The following LNPEP variants were observed in gnomAD, a reference collection of about 807,000 sequenced individuals.
The protein encoded by LNPEP is leucyl and cystinyl aminopeptidase.
LNPEP carries 64 observed loss-of-function variants against 120.6 expected under a neutral mutation model. The ratio of observed to expected loss-of-function variants is 0.53; its 90% confidence interval spans 0.43 to 0.65. The LOEUF (loss-of-function observed/expected upper bound fraction) is 0.65. Among genes scored for constraint, LNPEP ranks in the 30% least tolerant of loss-of-function variants. The probability of loss-of-function intolerance (pLI) is 0.00; values close to 1 mark genes in which losing one functional copy is unlikely to be tolerated. For missense variants in LNPEP, 1,057 were observed against 1,200.0 expected, an observed-to-expected ratio of 0.88 and a Z score of 1.76; for synonymous variants, 435 against 425.4, an observed-to-expected ratio of 1.02 and a Z score of -0.28.
intron 6 of LNPEP, 43 bp from the exon 7 acceptor site, chr5:96,996,347 G>A (rs1169479797): frequency 2.8e-6 from 3 of 1,083,178 alleles, no homozygotes; most frequent in Non-Finnish European, 4.3e-6. Context: ...AAATTCCTGA[G>A]GCTGTAAATA....
chr5:97,026,486 A>G, intron 15 of LNPEP, 131 bp from the exon 16 acceptor site: 1 of 652,326 alleles, frequency 1.5e-6, no homozygotes, highest in Non-Finnish European at 2.6e-6. Context: ...TCAACCGTAG[A>G]CTAATGCAAC....
At chr5:96,944,673 A>G (rs962663383) in intron 1 of LNPEP, among the ~76,000 whole-genome samples, 1 of 147,850 alleles carries the variant, frequency 6.8e-6, no homozygotes, top group Non-Finnish European at 1.5e-5. Flanking sequence ...GGTTCAAGCA[A>G]TTCTTGTGCC....
At chr5:97,022,278 A>G (rs1371272154) in intron 13 of LNPEP, 22 bp from the exon 14 acceptor site, 1 of 1,385,790 alleles carries the variant, frequency 7.2e-7, no homozygotes, top group South Asian at 1.3e-5. Context: ...TGAAGCCATT[A>G]TAATCTATTT....
chr5:96,952,709 T>A (rs1789352578), intron 1 of LNPEP, among the ~76,000 whole-genome samples: 1 of 152,190 alleles, frequency 6.6e-6, no homozygotes, highest in Admixed American at 6.5e-5. Context: ...TTAAAAATCA[T>A]TTATTTTTAT....
intron 1 of LNPEP, chr5:96,958,636 A>G (rs1789526692): frequency 3.5e-6 from 1 of 289,312 alleles, no homozygotes; most frequent in African/African-American, 2.3e-5. Flanking sequence ...TCATTGGGCT[A>G]AAACGAAGGA....
intron 11 of LNPEP, among the ~76,000 whole-genome samples, chr5:97,008,662 C>A (rs1412847678): frequency 3.5e-5 from 3 of 85,448 alleles, no homozygotes; most frequent in East Asian, 7.0e-4. Context: ...CCTCTTTACT[C>A]TTTTTTTTTT....
chr5:97,002,000 C>T lies in LNPEP; in HGVS notation c.1654-1415C>T, dbSNP rs188352996. On this transcript the variant is annotated intron_variant, in intron 8 of 17. Coordinates refer to ENST00000231368, the MANE Select transcript of LNPEP (RefSeq NM_005575.3). ...ACTAAAAATACAAAAATTAGCTGGG[C>T]GTGGTGGTGGTGCCTGTAATCCCAG... is the stretch of plus-strand genomic sequence containing the variant. Among the ~76,000 whole-genome samples, 5 of 152,090 alleles carry T rather than the reference C, an allele frequency of 3.3e-5. No homozygotes were observed. In the East Asian group the frequency reaches 7.7e-4, roughly 24 times the overall value.
rs1347048649 is a variant in LNPEP, at chr5:96,977,016, T to C, written c.20-2122T>C. Among the ~76,000 whole-genome samples the C allele has an allele frequency of 5.3e-5, 8 of 151,998 alleles. No homozygotes were observed. In the South Asian group the frequency reaches 1.2e-3, roughly 24 times the overall value. ...GTATGTTAGAACCCTTCTTCTTTCA[T>C]AGTAGATGGGTAGATGGCAGAATGC... On this transcript the variant is annotated intron_variant, in intron 1 of 17. Coordinates refer to ENST00000231368, the MANE Select transcript of LNPEP (RefSeq NM_005575.3).
chr5:97,013,767 AAT>A lies in LNPEP; in HGVS notation c.2156_2157del (p.Asn719ThrfsTer6). ...WEALIHQLKI[N>X]PYVLSDKDRA... is the part of the protein sequence containing the mutation. ...AGCACTAATCCATCAGTTGAAAATA[AAT>A]CCTTATGTTCTGAGTGACAAAGACC... On this transcript the variant is annotated frameshift_variant, in exon 12 of 18. Coordinates refer to ENST00000231368, the MANE Select transcript of LNPEP (RefSeq NM_005575.3). LOFTEE classifies it high-confidence loss of function. The A allele has an allele frequency of 6.2e-7, 1 of 1,612,530 alleles. No homozygotes were observed. Among genetic ancestry groups the A allele is most frequent in the Non-Finnish European group, 8.5e-7 (1 of 1,179,088 alleles).
intron 9 of LNPEP, among the ~76,000 whole-genome samples, chr5:97,004,494 A>G (rs1790732196): frequency 6.6e-6 from 1 of 151,704 alleles, no homozygotes. Context: ...CCTGGGTGAC[A>G]GAGCCAGACT....
At chr5:96,941,898 T>A (rs1789063226) in intron 1 of LNPEP, among the ~76,000 whole-genome samples, 1 of 152,182 alleles carries the variant, frequency 6.6e-6, no homozygotes, top group Admixed American at 6.5e-5. Context: ...GCAGAGATTT[T>A]AAAAATGGTC....
Position 97,024,551 on chromosome 5 carries a change from C to T in LNPEP, c.2592C>T (p.Phe864=). 6.2e-7 allele frequency: 1 copy of T among 1,614,018 alleles called. No individual in the cohort carries two copies. The highest frequency in any genetic ancestry group is 8.5e-7 in the Non-Finnish European group (1 of 1,179,954). The change falls in exon 15 of 18, where the codon TTC becomes TTT. Residue 864 remains phenylalanine (F), a synonymous_variant. Coordinates refer to ENST00000231368, the MANE Select transcript of LNPEP (RefSeq NM_005575.3). ...CTACTGATGTCATGACAACTGTGTT[C>T]AAAGTTGGAGCAAAAACTGACAAAG... is the stretch of plus-strand genomic sequence containing the variant. ...SLPTDVMTTV[F]KVGAKTDKGW...
At chr5:96,983,141 G>A (rs758686020) in intron 2 of LNPEP, among the ~76,000 whole-genome samples, 1 of 152,114 alleles carries the variant, frequency 6.6e-6, no homozygotes, top group African/African-American at 2.4e-5. Flanking sequence ...AAAGTCATGT[G>A]GTTAGTAAAT....
intron 1 of LNPEP, among the ~76,000 whole-genome samples, chr5:96,978,158 A>G (rs759513684): frequency 3.3e-5 from 5 of 152,206 alleles, no homozygotes; most frequent in African/African-American, 4.8e-5. Context: ...CTAAAATTGT[A>G]TGAATTTTAA....
intron 1 of LNPEP, among the ~76,000 whole-genome samples, chr5:96,947,105 A>G (rs1789202400): frequency 6.6e-6 from 1 of 152,210 alleles, no homozygotes; most frequent in Non-Finnish European, 1.5e-5. Context: ...TTGTGAAAGT[A>G]TTTGCAGCTA....
intron 11 of LNPEP, chr5:97,011,229 C>T (rs751566930): frequency 7.9e-4 from 773 of 980,614 alleles, no homozygotes; most frequent in Non-Finnish European, 8.9e-4. Flanking sequence ...CTTTTCTTTA[C>T]GTTTGTTTTT....
intron 1 of LNPEP, chr5:96,958,587 T>A (rs1019039585): frequency 1.3e-6 from 1 of 756,442 alleles, no homozygotes. Flanking sequence ...TACAAATTTA[T>A]CTTAAAGTTA....
At chr5:97,016,586 C>T (rs1048267621) in intron 13 of LNPEP, among the ~76,000 whole-genome samples, 2 of 152,100 alleles carry the variant, frequency 1.3e-5, no homozygotes, top group African/African-American at 2.4e-5. Context: ...CTAGCAACGT[C>T]GTCTTTCCAG....
chr5:97,003,375 T>C, intron 8 of LNPEP, 40 bp from the exon 9 acceptor site: 1 of 1,192,146 alleles, frequency 8.4e-7, no homozygotes, highest in Non-Finnish European at 1.2e-6. Flanking sequence ...TATAGTATTC[T>C]ATTATTTTCT....
Sources: gnomAD v4.1 joint callset for allele counts (sites outside exome capture counted in the v4.1 genomes callset) on GRCh38, gnomAD v4.1.1 for gene constraint, MANE v1.5 for transcripts, NCBI Gene and HGNC (gene_info 2026-07-23, HGNC 2026-07-21) for gene names.